Variants in LHFPL3 observed in about 807,000 individuals in gnomAD.
LHFPL3 encodes LHFPL tetraspan subfamily member 3, also known as LHFPL tetraspan subfamily member 3 protein.
A neutral mutation model predicts 19.3 loss-of-function variants in LHFPL3; 5 were observed. That is an observed-to-expected ratio of 0.26 (90% CI 0.14 to 0.54). LHFPL3 has a LOEUF of 0.54. Ranked by LOEUF, LHFPL3 falls within the 20% of genes least tolerant of loss-of-function variation. LHFPL3 has a pLI of 0.94. For synonymous variants in LHFPL3, 133 were observed against 126.2 expected (o/e 1.05, Z -0.36); for missense variants, 249 against 307.4 (o/e 0.81, Z 1.42).
rs138620261 is a variant in LHFPL3 at position 104,798,151 on chromosome 7, C to A, written c.682+61240C>A. Among the ~76,000 whole-genome samples, 145 of 152,188 alleles carry A rather than the reference C, an allele frequency of 9.5e-4. 1 individual carries two copies. Among genetic ancestry groups the A allele is most frequent in the African/African-American group, 3.4e-3 (141 of 41,528 alleles). On this transcript the variant is annotated intron_variant, in intron 2 of 2. Transcript: ENST00000424859. ...AAACAAGCAGTTTTCCTAAGAGTTC[C>A]CACCAAACAGAGCCACCACTTACAT... is the stretch of plus-strand genomic sequence containing the variant.
At chr7:104,598,053 A>G (rs1030356615) in intron 1 of LHFPL3, among the ~76,000 whole-genome samples, 3 of 152,160 alleles carry the variant, frequency 2.0e-5, no homozygotes, top group African/African-American at 7.2e-5. Flanking sequence ...TATGGGGACA[A>G]TGTCCCAAAG....
intron 1 of LHFPL3, among the ~76,000 whole-genome samples, chr7:104,528,785 C>A (rs1794238378): frequency 6.6e-6 from 1 of 152,152 alleles, no homozygotes; most frequent in African/African-American, 2.4e-5. Flanking sequence ...CTCCAAACCA[C>A]ACCTTTTTTG....
intron 1 of LHFPL3, among the ~76,000 whole-genome samples, chr7:104,496,616 T>A (rs41019): frequency 0.14 from 21,845 of 152,008 alleles, 3,159 homozygotes; most frequent in African/African-American, 0.37. Context: ...TTTCTCCACA[T>A]CCTCTCCAGC....
chr7:104,591,695 T>A (rs541184696), intron 1 of LHFPL3, among the ~76,000 whole-genome samples: 1 of 152,338 alleles, frequency 6.6e-6, no homozygotes, highest in East Asian at 1.9e-4. Context: ...TCCTAGATAA[T>A]GTCCTGAAGA....
chr7:104,402,977 AT>A (rs1487477439), intron 1 of LHFPL3, among the ~76,000 whole-genome samples: 10 of 152,174 alleles, frequency 6.6e-5, no homozygotes, highest in African/African-American at 2.2e-4. Context: ...CACACTGCAC[AT>A]TCTCACTCGT....
chr7:104,485,792 C>T (rs1242270031), intron 1 of LHFPL3, among the ~76,000 whole-genome samples: 1 of 152,134 alleles, frequency 6.6e-6, no homozygotes, highest in Non-Finnish European at 1.5e-5. Context: ...TCTGACAGGC[C>T]TCGCTCGGTG....
intron 2 of LHFPL3, among the ~76,000 whole-genome samples, chr7:104,871,637 C>T (rs577781802): frequency 6.6e-6 from 1 of 152,062 alleles, no homozygotes; most frequent in Non-Finnish European, 1.5e-5. Flanking sequence ...GTAAAACACA[C>T]ACACATCGTA....
At chr7:104,656,088 TAAATA>T (rs1311294703) in intron 1 of LHFPL3, among the ~76,000 whole-genome samples, 2 of 152,204 alleles carry the variant, frequency 1.3e-5, no homozygotes, top group African/African-American at 4.8e-5. Context: ...CTTCTCCATC[TAAATA>T]AAATAAACAA....
chr7:104,663,810 G>A (rs1584467943), intron 1 of LHFPL3, among the ~76,000 whole-genome samples: 1 of 152,182 alleles, frequency 6.6e-6, no homozygotes, highest in South Asian at 2.1e-4. Flanking sequence ...TTGAATCCAT[G>A]TAAATGAGAG....
chr7:104,529,216 T>C (rs1030240851), intron 1 of LHFPL3, among the ~76,000 whole-genome samples: 1 of 152,142 alleles, frequency 6.6e-6, no homozygotes, highest in African/African-American at 2.4e-5. Context: ...GGCCAGACCT[T>C]AGTAACATGG....
chr7:104,668,338 CA>C (rs1250738259), intron 1 of LHFPL3: 1 of 1,595,026 alleles, frequency 6.3e-7, no homozygotes, highest in African/African-American at 1.3e-5. Flanking sequence ...AAAACAGATA[CA>C]GACTGGAGGG....
chr7:104,824,631 T>C (rs1403775173), intron 2 of LHFPL3, among the ~76,000 whole-genome samples: 1 of 85,822 alleles, frequency 1.2e-5, no homozygotes, highest in Non-Finnish European at 2.0e-5. Context: ...ATTTTATATA[T>C]ATTATTTTAT....
intron 2 of LHFPL3, among the ~76,000 whole-genome samples, chr7:104,839,922 C>G (rs188550823): frequency 2.0e-5 from 3 of 152,108 alleles, no homozygotes; most frequent in African/African-American, 7.2e-5. Context: ...CTGTCCCTAA[C>G]AGGCTCTCAC....
At chr7:104,490,707 T>A (rs2115690472) in intron 1 of LHFPL3, among the ~76,000 whole-genome samples, 1 of 152,182 alleles carries the variant, frequency 6.6e-6, no homozygotes, top group African/African-American at 2.4e-5. Context: ...ATCAGAAAAG[T>A]AAATGGGAAA....
chr7:104,468,486 C>T (rs12705217), intron 1 of LHFPL3, among the ~76,000 whole-genome samples: 27,397 of 151,888 alleles, frequency 0.18, 2,476 homozygotes, highest in African/African-American at 0.21. Flanking sequence ...ATTGTCATGG[C>T]TTTTTGGGGG....
chr7:104,908,498 G>C lies in LHFPL3; in HGVS notation c.*2283G>C, dbSNP rs1296805180. On this transcript the variant is annotated 3_prime_UTR_variant, in exon 3 of 3. Transcript: ENST00000424859. ...AGGTCCAAGAAATGTAAAGAAATTT[G>C]TTGGAATACCTGAATTTCTGTAAAA... Among the ~76,000 whole-genome samples, 1 of 152,014 alleles carries C rather than the reference G, an allele frequency of 6.6e-6. No homozygotes were observed. Among genetic ancestry groups the C allele is most frequent in the Non-Finnish European group, 1.5e-5 (1 of 67,998 alleles).
At position 104,897,294 on chromosome 7, in the gene LHFPL3, G is replaced by T. The variant is rs76383269; in HGVS notation, c.683-8893G>T. ...TTACTTCTCTCACAGGGCCGTGGGT[G>T]TGTGTGCTTATGTGTGTGTGTTCAT... On this transcript the variant is annotated intron_variant, in intron 2 of 2. Coordinates refer to ENST00000424859, the MANE Select transcript of LHFPL3 (RefSeq NM_199000.3). Among the ~76,000 whole-genome samples the T allele has an allele frequency of 1.2e-4, 18 of 152,254 alleles. No homozygotes were observed. The East Asian group carries it at 3.5e-3, about 29-fold the overall frequency.
At chr7:104,727,248 T>G (rs913701619) in intron 1 of LHFPL3, among the ~76,000 whole-genome samples, 2 of 152,230 alleles carry the variant, frequency 1.3e-5, no homozygotes, top group Non-Finnish European at 2.9e-5. Context: ...GATAGATAGA[T>G]TGCAAAACTT....
intron 1 of LHFPL3, among the ~76,000 whole-genome samples, chr7:104,473,483 A>G (rs1792950201): frequency 6.6e-6 from 1 of 152,220 alleles, no homozygotes; most frequent in Admixed American, 6.5e-5. Context: ...CTCATTATTT[A>G]CCACCACTAT....
Sources: allele counts gnomAD v4.1 joint callset (sites outside exome capture counted in the v4.1 genomes callset), GRCh38; gene constraint gnomAD v4.1.1; transcripts MANE v1.5; gene names NCBI Gene and HGNC (gene_info 2026-07-23, HGNC 2026-07-21).